Variants in PILRA observed in about 807,000 individuals in gnomAD.
PILRA encodes the protein paired immunoglobin like type 2 receptor alpha.
A neutral mutation model predicts 33.1 loss-of-function variants in PILRA; 37 were observed. The observed-to-expected ratio is 1.12, with a 90% CI of 0.86 to 1.47. The LOEUF is 1.47. Ranked by LOEUF, PILRA falls within the 40% of genes most tolerant of loss-of-function variation. The probability of loss-of-function intolerance (pLI) is 0.00; values close to 1 mark genes in which losing one functional copy is unlikely to be tolerated. For missense variants in PILRA, 312 were observed against 376.2 expected, an observed-to-expected ratio of 0.83 and a Z score of 1.41; for synonymous variants, 146 against 149.9, an observed-to-expected ratio of 0.97 and a Z score of 0.19.
chr7:100,380,093 G>A (rs1791054307), intron 2 of PILRA, among the ~76,000 whole-genome samples: 2 of 152,180 alleles, frequency 1.3e-5, no homozygotes, highest in Admixed American at 1.3e-4. Context: ...CCAAAGACGA[G>A]AGGTTTGCTT....
rs550759627 is a variant in PILRA at position 100,399,253 on chromosome 7, A to G, written c.708-38A>G. On this transcript the variant is annotated intron_variant, in intron 4 of 6. Transcript: ENST00000198536. ...CCCAGCCCATGTCTTAAAATGCCCA[A>G]CCTCTAACATATTTCCTGTCCTCTT... The G allele has an allele frequency of 1.0e-5, 16 of 1,540,136 alleles. No individual in the cohort carries two copies. The East Asian group carries it at 3.4e-4, about 32-fold the overall frequency.
chr7:100,374,499 A>G (rs7792525), intron 2 of PILRA, 66 bp downstream of exon 2: 278,305 of 1,582,388 alleles, frequency 0.18, 25,525 homozygotes, highest in Middle Eastern at 0.21. Flanking sequence ...CACTGGTGAC[A>G]TCGTCCCCAG....
At chr7:100,388,239 C>G (rs1409125754) in intron 2 of PILRA, among the ~76,000 whole-genome samples, 1 of 152,212 alleles carries the variant, frequency 6.6e-6, no homozygotes, top group Non-Finnish European at 1.5e-5. Flanking sequence ...GATTTTAGTT[C>G]ATACTAACTT....
At chr7:100,393,981 C>T (rs1450086923) in intron 3 of PILRA, among the ~76,000 whole-genome samples, 1 of 152,164 alleles carries the variant, frequency 6.6e-6, no homozygotes, top group Admixed American at 6.5e-5. Flanking sequence ...AGAATTTGGT[C>T]ACATATCCCA....
chr7:100,373,328 C>A (rs1790860450), upstream of PILRA: 1 of 516,292 alleles, frequency 1.9e-6, no homozygotes. Flanking sequence ...AGGGGCCCAG[C>A]CAGCCAAGGT....
intron 3 of PILRA, among the ~76,000 whole-genome samples, chr7:100,395,185 T>C (rs1791470316): frequency 6.6e-6 from 1 of 152,216 alleles, no homozygotes; most frequent in South Asian, 2.1e-4. Context: ...AGATGATATA[T>C]GCTATGGTCT....
intron 2 of PILRA, among the ~76,000 whole-genome samples, chr7:100,378,115 G>A (rs1359733797): frequency 1.3e-5 from 2 of 151,852 alleles, no homozygotes; most frequent in Non-Finnish European, 2.9e-5. Context: ...TTGGGAGGCT[G>A]AGGCACGAAG....
chr7:100,397,228 C>T (rs894536473), intron 3 of PILRA, among the ~76,000 whole-genome samples: 1 of 149,776 alleles, frequency 6.7e-6, no homozygotes, highest in South Asian at 2.1e-4. Context: ...GGACATGGAG[C>T]CCTCCTGGGA....
chr7:100,385,908 C>T (rs1463393526), intron 2 of PILRA, among the ~76,000 whole-genome samples: 4 of 151,700 alleles, frequency 2.6e-5, no homozygotes, highest in Non-Finnish European at 4.4e-5. Context: ...GGATTACAGG[C>T]GTGAGCCACC....
At chr7:100,398,395 TC>T (rs1180584398) in intron 4 of PILRA, among the ~76,000 whole-genome samples, 1 of 152,132 alleles carries the variant, frequency 6.6e-6, no homozygotes, top group African/African-American at 2.4e-5. Context: ...TCTGCCTGGC[TC>T]CCCTCTCCAG....
upstream of PILRA, among the ~76,000 whole-genome samples, chr7:100,371,595 C>T (rs1009386772): frequency 4.6e-5 from 7 of 152,262 alleles, no homozygotes; most frequent in African/African-American, 1.4e-4. Context: ...TACTTACCCC[C>T]TCCCTGCCCC....
Position 100,400,000 on chromosome 7 carries a change from A to C in PILRA, c.*93A>C. 3 of 1,346,890 alleles carry C rather than the reference A, an allele frequency of 2.2e-6. No homozygotes were observed. The highest frequency in any genetic ancestry group is 2.0e-6 in the Non-Finnish European group (2 of 1,015,384). The allele number at this position is 1,346,890 out of a possible 1,614,324, so 83.4% of individuals were successfully genotyped here. On this transcript the variant is annotated 3_prime_UTR_variant, in exon 7 of 7. Transcript: ENST00000198536. ...CTACTCTGAAGCCTGAGGCAGAATC[A>C]AGTGAGCCCAGGAGTTCAGGGCCAG...
chr7:100,386,676 C>T (rs1260556725), intron 2 of PILRA, among the ~76,000 whole-genome samples: 4 of 151,748 alleles, frequency 2.6e-5, no homozygotes, highest in Non-Finnish European at 5.9e-5. Flanking sequence ...GCCACCACAC[C>T]CAGCTAATTT....
chr7:100,395,627 A>G (rs1791479234), intron 3 of PILRA, among the ~76,000 whole-genome samples: 1 of 152,120 alleles, frequency 6.6e-6, no homozygotes, highest in Non-Finnish European at 1.5e-5. Context: ...GCAGATGAAA[A>G]TGGCCAACTA....
intron 2 of PILRA, among the ~76,000 whole-genome samples, chr7:100,383,768 C>G (rs1791180984): frequency 6.6e-6 from 1 of 152,012 alleles, no homozygotes; most frequent in Admixed American, 6.6e-5. Flanking sequence ...TCCTGAGTAG[C>G]TGGGATTACA....
chr7:100,389,340 C>CTGT (rs1241224319), intron 2 of PILRA, among the ~76,000 whole-genome samples: 1 of 152,168 alleles, frequency 6.6e-6, no homozygotes, highest in Non-Finnish European at 1.5e-5. Context: ...GTGATGGTTG[C>CTGT]ACAGCACTGT....
intron 2 of PILRA, among the ~76,000 whole-genome samples, chr7:100,383,182 C>T (rs543407627): frequency 3.9e-4 from 60 of 152,198 alleles, no homozygotes; most frequent in African/African-American, 1.4e-3. Flanking sequence ...CTTGGGGAAA[C>T]CAGTCAGGGA....
At position 100,389,931 on chromosome 7, in the gene PILRA, C is replaced by T; in HGVS notation, c.498C>T (p.Thr166=). Residue 166 remains threonine (T), a synonymous_variant, in exon 3 of 7, where the codon ACC becomes ACT. Coordinates refer to ENST00000198536, the MANE Select transcript of PILRA (RefSeq NM_013439.3). ...TTQRPSSMTT[T]WRLSSTTTTT... ...AGAGGCCCAGCAGCATGACTACCAC[C>T]TGGAGGCTCAGTAGCACAACCACCA... 2 of 1,613,992 alleles carry T rather than the reference C, an allele frequency of 1.2e-6. No homozygotes were observed. Among genetic ancestry groups the T allele is most frequent in the Non-Finnish European group, 1.7e-6 (2 of 1,179,988 alleles).
At chr7:100,393,939 G>A (rs1165258765) in intron 3 of PILRA, among the ~76,000 whole-genome samples, 2 of 151,844 alleles carry the variant, frequency 1.3e-5, no homozygotes, top group African/African-American at 2.4e-5. Flanking sequence ...GCCGATCCCC[G>A]CCCCTCCGAC....
Sources: gnomAD v4.1 joint callset for allele counts (sites outside exome capture counted in the v4.1 genomes callset) on GRCh38, gnomAD v4.1.1 for gene constraint, MANE v1.5 for transcripts, NCBI Gene and HGNC (gene_info 2026-07-23, HGNC 2026-07-21) for gene names.